ZNF789: variants seen among roughly 807,000 people sequenced by gnomAD.
The protein encoded by ZNF789 is zinc finger protein 789.
In ZNF789, 11 loss-of-function variants were observed where a neutral mutation model predicts 15.6. That is an observed-to-expected ratio of 0.70 (90% CI 0.44 to 1.16). ZNF789 has a LOEUF of 1.16. Ranked by LOEUF, ZNF789 falls within the 50% of genes most tolerant of loss-of-function variation. The pLI is 0.00. For missense variants in ZNF789, 461 were observed against 512.6 expected (o/e 0.90, Z 0.97); for synonymous variants, 159 against 176.0 (o/e 0.90, Z 0.76).
chr7:99,484,853 T>C (rs998851171), intron 4 of ZNF789, among the ~76,000 whole-genome samples: 3 of 152,036 alleles, frequency 2.0e-5, no homozygotes, highest in African/African-American at 7.2e-5. Flanking sequence ...TGCTTGAGCC[T>C]GGGAGGCAGA....
chr7:99,484,277 C>CTA, intron 4 of ZNF789, 134 bp downstream of exon 4: 2 of 641,430 alleles, frequency 3.1e-6, no homozygotes, highest in East Asian at 5.6e-5. Flanking sequence ...TCCCTACTGC[C>CTA]CTGTGAAGTG....
At chr7:99,480,433 GAA>G (rs1320147534) in intron 3 of ZNF789, 1 of 152,250 alleles carries the variant, frequency 6.6e-6, no homozygotes, top group Admixed American at 6.5e-5. Flanking sequence ...TCACCTTTCT[GAA>G]ATGGGAAAAA....
intron 3 of ZNF789, 136 bp from the exon 4 acceptor site, chr7:99,483,894 A>G: frequency 1.2e-6 from 1 of 806,066 alleles, no homozygotes; most frequent in Non-Finnish European, 2.3e-6. Context: ...ACTGCCAGAT[A>G]TTTACAAAGA....
intron 4 of ZNF789, 115 bp from the exon 5 acceptor site, chr7:99,486,361 C>T (rs868799067): frequency 6.3e-5 from 67 of 1,069,046 alleles, no homozygotes; most frequent in Admixed American, 1.5e-4. Flanking sequence ...ATGATGTAAA[C>T]GAGATCACTT....
chr7:99,475,188 T>A (rs1255625214), intron 1 of ZNF789, among the ~76,000 whole-genome samples: 3 of 150,548 alleles, frequency 2.0e-5, no homozygotes, highest in African/African-American at 7.3e-5. Context: ...AGATCAGGAG[T>A]TCAAGACCAG....
Position 99,487,377 on chromosome 7 carries a change from C to G in ZNF789, c.1167C>G (p.Val389=). ...SFKRNLFRHQ[V]IHTGSQPYQC... The stretch of plus-strand genomic sequence containing the variant: ...AGAGGAATCTTTTTCGACATCAGGT[C>G]ATTCACACTGGAAGCCAACCCTACC... Residue 389 remains valine, a synonymous_variant, in exon 5 of 5, where the codon GTC becomes GTG. Coordinates refer to ENST00000331410, the MANE Select transcript of ZNF789 (RefSeq NM_213603.3). The G allele has an allele frequency of 6.2e-7, 1 of 1,614,206 alleles. No homozygotes were observed. Among genetic ancestry groups the G allele is most frequent in the African/African-American group, 1.3e-5 (1 of 75,054 alleles).
At chr7:99,475,330 G>A (rs564419967) in intron 1 of ZNF789, among the ~76,000 whole-genome samples, 1 of 152,110 alleles carries the variant, frequency 6.6e-6, no homozygotes, top group African/African-American at 2.4e-5. Flanking sequence ...AGGAGGCGGA[G>A]GTTGCAGTGA....
chr7:99,483,029 G>T (rs926618076), intron 3 of ZNF789, among the ~76,000 whole-genome samples: 5 of 151,910 alleles, frequency 3.3e-5, no homozygotes, highest in Non-Finnish European at 7.4e-5. Context: ...TCAGGAGTTC[G>T]AGACCAGTTG....
In ZNF789 at chr7:99,479,785, T is replaced by C. The variant is rs1799524173; in HGVS notation, c.149T>C (p.Leu50Pro). 6.2e-7 allele frequency: 1 copy of C among 1,613,074 alleles called. No individual in the cohort carries two copies. The highest frequency in any genetic ancestry group is 1.3e-5 in the African/African-American group (1 of 74,846). The change falls in exon 3 of 5, where the codon CTG becomes CCG. Residue 50 changes from leucine (L) to proline (P), a missense_variant and splice_region_variant. Transcript: ENST00000331410. ...MLENYRNMVL[L>P]GFQFPKPEMI... ...GAGAACTACAGGAACATGGTCTTGC[T>C]GGGTAGGACACGGCTTGAAGATTGG...
rs1488162954 is a variant in ZNF789, at chr7:99,486,753, C to G, written c.543C>G (p.Pro181=). 1.9e-6 allele frequency: 3 copies of G among 1,614,196 alleles called. No homozygotes were observed. Among genetic ancestry groups the G allele is most frequent in the Non-Finnish European group, 2.5e-6 (3 of 1,180,034 alleles). Residue 181 remains proline (P), a synonymous_variant, in exon 5 of 5, where the codon CCC becomes CCG. Coordinates refer to ENST00000331410, the MANE Select transcript of ZNF789 (RefSeq NM_213603.3). ...GCAGATATGATGAGGATGGCAAACC[C>G]TTCAATCAAAGATCTTTGCTTTTGG... ...KQGRYDEDGK[P]FNQRSLLLGH...
rs766196903 is a variant in ZNF789, at chr7:99,487,244, A to G, written c.1034A>G (p.Glu345Gly). ...AAACCGAACACCCATAAATGCAGTG[A>G]ATGTGGACAGTCCTTTGGTAGGAAT... ...HSKPNTHKCS[E>G]CGQSFGRNVD... The change falls in exon 5 of 5, where the codon GAA becomes GGA. Residue 345 changes from glutamate (E) to glycine (G), a missense_variant. Physicochemically the swap from Glu to Gly is moderately conservative, Grantham distance 98 (BLOSUM62 -2). Coordinates refer to ENST00000331410, the MANE Select transcript of ZNF789 (RefSeq NM_213603.3). 6.2e-7 allele frequency: 1 copy of G among 1,614,234 alleles called. No individual in the cohort carries two copies. The highest frequency in any genetic ancestry group is 1.1e-5 in the South Asian group (1 of 91,082).
chr7:99,485,325 C>A, intron 4 of ZNF789: 1 of 1,035,284 alleles, frequency 9.7e-7, no homozygotes, highest in Non-Finnish European at 1.4e-6. Context: ...TGTTGAGTAG[C>A]AGCCCTGGCC....
At position 99,487,308 on chromosome 7, in the gene ZNF789, G is replaced by T. The variant is rs1800020878; in HGVS notation, c.1098G>T (p.Glu366Asp). Residue 366 changes from glutamate (E) to aspartate (D), a missense_variant, in exon 5 of 5, where the codon GAG becomes GAT. Physicochemically the swap from Glu to Asp is conservative, Grantham distance 45. Transcript: ENST00000331410. ...AGCATCAAAGAATCCATACAAAGGAGGAATTCTTTCAATGTGGAGAATGTG... is the reference window on the plus strand; with the variant it reads ...AGCATCAAAGAATCCATACAAAGGATGAATTCTTTCAATGTGGAGAATGTG... ...LIQHQRIHTK[E>D]EFFQCGECGK... 2 of 1,614,078 alleles carry T rather than the reference G, an allele frequency of 1.2e-6. No homozygotes were observed. Among genetic ancestry groups the T allele is most frequent in the African/African-American group, 1.3e-5 (1 of 74,930 alleles).
intron 3 of ZNF789, chr7:99,481,351 CAG>C (rs1248494079): frequency 6.6e-6 from 1 of 152,212 alleles, no homozygotes; most frequent in Non-Finnish European, 1.5e-5. Flanking sequence ...TTCCCAAAAT[CAG>C]AATTTTGAAG....
chr7:99,487,230 C>G lies in ZNF789; in HGVS notation c.1020C>G (p.Thr340=). ...CHQQIHSKPN[T]HKCSECGQSF... ...AACAGATTCACAGTAAACCGAACAC[C>G]CATAAATGCAGTGAATGTGGACAGT... The change falls in exon 5 of 5, where the codon ACC becomes ACG. Residue 340 remains threonine (T), a synonymous_variant. Coordinates refer to ENST00000331410, the MANE Select transcript of ZNF789 (RefSeq NM_213603.3). 6.2e-7 allele frequency: 1 copy of G among 1,614,114 alleles called. No homozygotes were observed. Among genetic ancestry groups the G allele is most frequent in the South Asian group, 1.1e-5 (1 of 91,086 alleles).
chr7:99,477,432 C>T (rs533596695), intron 2 of ZNF789, among the ~76,000 whole-genome samples: 1 of 152,086 alleles, frequency 6.6e-6, no homozygotes, highest in East Asian at 1.9e-4. Flanking sequence ...CTTGACCTTC[C>T]CAGGCTCAGG....
intron 3 of ZNF789, chr7:99,482,025 T>C (rs1799659956): frequency 1.6e-6 from 1 of 643,366 alleles, no homozygotes; most frequent in Admixed American, 2.7e-5. Context: ...TTTTCTTTTT[T>C]GGATTTTGGA....
chr7:99,474,467 G>A (rs924219749), intron 1 of ZNF789, among the ~76,000 whole-genome samples: 10 of 151,922 alleles, frequency 6.6e-5, no homozygotes, highest in East Asian at 1.9e-4. Context: ...GGTGGCGGGC[G>A]CCTGTAGTCC....
At chr7:99,473,376 A>T (rs1340338992) in intron 1 of ZNF789, among the ~76,000 whole-genome samples, 2 of 152,290 alleles carry the variant, frequency 1.3e-5, no homozygotes, top group African/African-American at 4.8e-5. Flanking sequence ...CTCCAGTTAA[A>T]GTTTTAAGAG....
Sources: allele counts gnomAD v4.1 joint callset (sites outside exome capture counted in the v4.1 genomes callset), GRCh38; gene constraint gnomAD v4.1.1; transcripts MANE v1.5; gene names NCBI Gene and HGNC (gene_info 2026-07-23, HGNC 2026-07-21).